PTK2: variants seen among roughly 807,000 people sequenced by gnomAD.
PTK2 encodes the protein focal adhesion kinase 1.
In PTK2, 45 loss-of-function variants were observed where a neutral mutation model predicts 150.1. The observed-to-expected ratio is 0.30, with a 90% CI of 0.24 to 0.38. The LOEUF (loss-of-function observed/expected upper bound fraction) is 0.38. PTK2 is among the 10% of genes least tolerant of loss of function. PTK2 has a pLI of 1.00. For synonymous variants in PTK2, 432 were observed against 449.2 expected, an observed-to-expected ratio of 0.96 and a Z score of 0.48; for missense variants, 919 against 1,307.3, an observed-to-expected ratio of 0.70 and a Z score of 4.58.
intron 29 of PTK2, chr8:140,668,850 AT>A (rs1189440286): frequency 6.3e-6 from 1 of 159,598 alleles, no homozygotes; most frequent in East Asian, 1.9e-4. Context: ...CTTAGTTTGA[AT>A]TCTGCAGTGA....
At chr8:140,948,030 G>A (rs1424742567) in intron 1 of PTK2, among the ~76,000 whole-genome samples, 3 of 152,132 alleles carry the variant, frequency 2.0e-5, no homozygotes, top group African/African-American at 4.8e-5. Flanking sequence ...GCATGCTGAA[G>A]CAAAGTACTT....
At position 140,806,444 on chromosome 8, in the gene PTK2, C is replaced by T. The variant is rs1349390260; in HGVS notation, c.868-2794G>A. Reference sequence around the variant, plus strand: ...GCCTTCCAACAGACCGAGAGCTGAACATCATTATGTTGGTGGTGACACATG... The same window carrying T: ...GCCTTCCAACAGACCGAGAGCTGAATATCATTATGTTGGTGGTGACACATG... On this transcript the variant is annotated intron_variant, in intron 10 of 31. Coordinates refer to ENST00000522684, the Ensembl canonical transcript of PTK2. Among the ~76,000 whole-genome samples the T allele has an allele frequency of 3.9e-5, 6 of 151,976 alleles. No homozygotes were observed. In the East Asian group the frequency reaches 9.6e-4, roughly 24 times the overall value.
intron 1 of PTK2, among the ~76,000 whole-genome samples, chr8:140,936,862 T>C (rs2100173814): frequency 8.3e-6 from 1 of 120,354 alleles, no homozygotes; most frequent in African/African-American, 2.5e-5. Flanking sequence ...CTAGAGAACA[T>C]CTTTTTTTTT....
chr8:140,874,905 T>C (rs968844177), intron 4 of PTK2, among the ~76,000 whole-genome samples: 4 of 152,194 alleles, frequency 2.6e-5, no homozygotes, highest in African/African-American at 7.2e-5. Context: ...CATTCAAATA[T>C]TGCTTATTGG....
chr8:140,887,839 T>C (rs1340650235), intron 3 of PTK2, among the ~76,000 whole-genome samples: 1 of 152,200 alleles, frequency 6.6e-6, no homozygotes, highest in Non-Finnish European at 1.5e-5. Context: ...CTTTGAAATG[T>C]GGTATATATT....
intron 4 of PTK2, among the ~76,000 whole-genome samples, chr8:140,872,869 TA>T (rs1183457958): frequency 6.6e-6 from 1 of 152,220 alleles, no homozygotes; most frequent in Non-Finnish European, 1.5e-5. Context: ...TAACATAAAA[TA>T]TTAACCATTT....
chr8:140,926,552 C>T (rs1012747720), intron 1 of PTK2, among the ~76,000 whole-genome samples: 1 of 152,158 alleles, frequency 6.6e-6, no homozygotes, highest in African/African-American at 2.4e-5. Flanking sequence ...CCCTAATTCA[C>T]CAAATCATGA....
chr8:140,682,212 T>TC (rs1203470873), intron 27 of PTK2, among the ~76,000 whole-genome samples: 1 of 152,116 alleles, frequency 6.6e-6, no homozygotes, highest in Non-Finnish European at 1.5e-5. Context: ...TGAAACCCTG[T>TC]CTTTACTAAA....
intron 27 of PTK2, among the ~76,000 whole-genome samples, chr8:140,683,972 C>T (rs10104479): frequency 0.39 from 58,701 of 152,004 alleles, 12,688 homozygotes; most frequent in Non-Finnish European, 0.49. Context: ...CCCACTCTTA[C>T]CATATCTATT....
chr8:140,786,634 G>A (rs1170318260), intron 14 of PTK2, among the ~76,000 whole-genome samples: 25 of 151,920 alleles, frequency 1.6e-4, no homozygotes, highest in African/African-American at 4.8e-5. Context: ...AGGGAGGGCC[G>A]GCAGGCAAGA....
chr8:140,692,931 G>A (rs766714015), intron 26 of PTK2, among the ~76,000 whole-genome samples: 1 of 152,290 alleles, frequency 6.6e-6, no homozygotes, highest in Non-Finnish European at 1.5e-5. Flanking sequence ...TCTGCTATGT[G>A]AGGGAAAAAT....
intron 1 of PTK2, among the ~76,000 whole-genome samples, chr8:140,978,864 G>A (rs2100190337): frequency 1.3e-5 from 2 of 151,488 alleles, no homozygotes; most frequent in Admixed American, 1.3e-4. Context: ...CAACCCAAAT[G>A]TCCATCAGTG....
chr8:140,949,609 C>G (rs2100178832), intron 1 of PTK2, among the ~76,000 whole-genome samples: 1 of 152,246 alleles, frequency 6.6e-6, no homozygotes, highest in South Asian at 2.1e-4. Flanking sequence ...GCTGACACAC[C>G]AGCCCCCTGC....
In PTK2 at chr8:140,974,978, C is replaced by A. The variant is rs532542377; in HGVS notation, c.-122+26147G>T. ...CTTCTCTCTCAGCCTTGCCATTTCACTTACTTAGTCACGCCTGTAGATGAA... is the reference window on the plus strand; with the variant it reads ...CTTCTCTCTCAGCCTTGCCATTTCAATTACTTAGTCACGCCTGTAGATGAA... On this transcript the variant is annotated intron_variant, in intron 1 of 31. Coordinates refer to ENST00000522684, the Ensembl canonical transcript of PTK2. Among the ~76,000 whole-genome samples, 4 of 152,322 alleles carry A rather than the reference C, an allele frequency of 2.6e-5. No individual in the cohort carries two copies. In the East Asian group the frequency reaches 7.7e-4, roughly 29 times the overall value.
At chr8:140,750,856 C>A (rs1593736025) in intron 17 of PTK2, among the ~76,000 whole-genome samples, 1 of 152,152 alleles carries the variant, frequency 6.6e-6, no homozygotes, top group South Asian at 2.1e-4. Flanking sequence ...GAGGCTGATG[C>A]AGGCAGAGCC....
At chr8:140,937,854 G>A (rs1228427459) in intron 1 of PTK2, among the ~76,000 whole-genome samples, 1 of 152,170 alleles carries the variant, frequency 6.6e-6, no homozygotes, top group Non-Finnish European at 1.5e-5. Context: ...TTGGGAGGCT[G>A]AGGCAGGAGG....
chr8:140,719,954 C>G (rs1005078194), intron 22 of PTK2, among the ~76,000 whole-genome samples: 1 of 151,160 alleles, frequency 6.6e-6, no homozygotes, highest in Non-Finnish European at 1.5e-5. Flanking sequence ...AACAAACACC[C>G]TGAAACAGGA....
chr8:140,913,796 C>T (rs561594868), intron 2 of PTK2, among the ~76,000 whole-genome samples: 6 of 152,222 alleles, frequency 3.9e-5, no homozygotes, highest in African/African-American at 1.2e-4. Context: ...TTCAACACTG[C>T]CCCAATATTT....
chr8:140,775,584 C>G (rs2100077954), intron 14 of PTK2, among the ~76,000 whole-genome samples: 1 of 152,088 alleles, frequency 6.6e-6, no homozygotes, highest in Non-Finnish European at 1.5e-5. Flanking sequence ...CTCAAGAAAT[C>G]TGCCTGCCTC....
Sources: gnomAD v4.1 joint callset for allele counts (sites outside exome capture counted in the v4.1 genomes callset) on GRCh38, gnomAD v4.1.1 for gene constraint, MANE v1.5 for transcripts, NCBI Gene and HGNC (gene_info 2026-07-23, HGNC 2026-07-21) for gene names.